Variants in CSMD1 observed in about 807,000 individuals in gnomAD.
CSMD1 encodes the protein CUB and sushi domain-containing protein 1.
CSMD1 carries 213 observed loss-of-function variants against 417.5 expected under a neutral mutation model. The ratio of observed to expected loss-of-function variants is 0.51; its 90% CI spans 0.46 to 0.57. The LOEUF is 0.57. Ranked by LOEUF, CSMD1 falls within the 20% of genes least tolerant of loss-of-function variation. CSMD1 has a pLI of 0.00. For synonymous variants in CSMD1, 2,862 were observed against 1,736.8 expected (o/e 1.65, Z -16.11); for missense variants, 6,923 against 4,529.7 (o/e 1.53, Z -15.17).
chr8:3,432,820 G>A (rs1585156883), intron 12 of CSMD1, among the ~76,000 whole-genome samples: 1 of 152,036 alleles, frequency 6.6e-6, no homozygotes, highest in South Asian at 2.1e-4. Context: ...GGCCAACATG[G>A]GCTTATTTTT....
At chr8:4,693,096 G>A (rs939537150) in intron 1 of CSMD1, among the ~76,000 whole-genome samples, 6 of 152,146 alleles carry the variant, frequency 3.9e-5, no homozygotes, top group African/African-American at 1.4e-4. Flanking sequence ...CATCCTCTCG[G>A]AAGTTCCCAG....
rs190643294 is a variant in CSMD1 at position 3,927,017 on chromosome 8, T to C, written c.818+70886A>G. On this transcript the variant is annotated intron_variant, in intron 5 of 69. Coordinates refer to ENST00000635120, the MANE Select transcript of CSMD1 (RefSeq NM_033225.6). Reference sequence around the variant, plus strand: ...GCGTGAGCCACCGTGCCCGGCCAAATTGGCATCTTTAAAAGTACTTTTTGT... The same window carrying C: ...GCGTGAGCCACCGTGCCCGGCCAAACTGGCATCTTTAAAAGTACTTTTTGT... 8.7e-4 allele frequency among the ~76,000 whole-genome samples: 133 copies of C among 152,108 alleles called. 1 individual carries two copies. The highest frequency in any genetic ancestry group is 2.8e-3 in the African/African-American group (118 of 41,536).
chr8:3,581,641 T>C (rs574411219), intron 9 of CSMD1, among the ~76,000 whole-genome samples: 4 of 152,334 alleles, frequency 2.6e-5, no homozygotes, highest in South Asian at 2.1e-4. Context: ...CTCGCTGGAA[T>C]ACCTTTATGC....
intron 3 of CSMD1, among the ~76,000 whole-genome samples, chr8:4,365,462 T>C (rs950944935): frequency 3.3e-5 from 5 of 152,218 alleles, no homozygotes; most frequent in Non-Finnish European, 5.9e-5. Context: ...AGATTGTCTG[T>C]TCTTTTTCTC....
intron 5 of CSMD1, among the ~76,000 whole-genome samples, chr8:3,836,092 C>G (rs759944194): frequency 6.6e-6 from 1 of 152,066 alleles, no homozygotes; most frequent in Non-Finnish European, 1.5e-5. Context: ...TCTTTTTAAA[C>G]TTTTACCTAT....
At chr8:3,280,704 A>G (rs538023328) in intron 26 of CSMD1, among the ~76,000 whole-genome samples, 8 of 118,508 alleles carry the variant, frequency 6.8e-5, no homozygotes, top group African/African-American at 2.4e-4. Context: ...ACTAGTACAC[A>G]TGGAAAACTG....
chr8:4,298,638 A>T (rs1477857229), intron 3 of CSMD1, among the ~76,000 whole-genome samples: 3 of 152,124 alleles, frequency 2.0e-5, no homozygotes, highest in Non-Finnish European at 4.4e-5. Flanking sequence ...AGAACATCAC[A>T]ATTTAGTTTT....
intron 5 of CSMD1, among the ~76,000 whole-genome samples, chr8:3,980,102 T>C (rs538527107): frequency 1.9e-4 from 28 of 147,200 alleles, no homozygotes; most frequent in African/African-American, 6.5e-4. Context: ...CTTTTGTCTG[T>C]TTTTTCTAGA....
chr8:4,814,158 T>G (rs1429649959), intron 1 of CSMD1, among the ~76,000 whole-genome samples: 1 of 152,236 alleles, frequency 6.6e-6, no homozygotes, highest in Non-Finnish European at 1.5e-5. Flanking sequence ...CCGTGAAAAC[T>G]GCAAGAAAAT....
chr8:4,206,487 C>T (rs1001100818), intron 3 of CSMD1, among the ~76,000 whole-genome samples: 3 of 152,152 alleles, frequency 2.0e-5, no homozygotes, highest in African/African-American at 7.2e-5. Flanking sequence ...TTTCCAGCTT[C>T]GTCCATGTCC....
intron 5 of CSMD1, among the ~76,000 whole-genome samples, chr8:3,762,839 G>C (rs1470147739): frequency 6.6e-6 from 1 of 152,206 alleles, no homozygotes; most frequent in Non-Finnish European, 1.5e-5. Context: ...GCAGCTGCCA[G>C]AGTAAGCAGC....
chr8:3,765,940 G>T (rs1798243066), intron 5 of CSMD1, among the ~76,000 whole-genome samples: 1 of 152,216 alleles, frequency 6.6e-6, no homozygotes, highest in Non-Finnish European at 1.5e-5. Flanking sequence ...TGTAAAAATG[G>T]CCTGGATGCC....
intron 9 of CSMD1, among the ~76,000 whole-genome samples, chr8:3,582,407 C>G (rs893994864): frequency 1.3e-5 from 2 of 152,110 alleles, no homozygotes; most frequent in Non-Finnish European, 2.9e-5. Context: ...AAGTTGCCAA[C>G]CTGAGGAACT....
intron 5 of CSMD1, among the ~76,000 whole-genome samples, chr8:3,964,693 T>C (rs904957990): frequency 1.3e-5 from 2 of 152,230 alleles, no homozygotes; most frequent in Admixed American, 6.5e-5. Flanking sequence ...TGGACCATAG[T>C]TATTAAATAA....
chr8:4,731,904 C>G (rs1236905373), intron 1 of CSMD1, among the ~76,000 whole-genome samples: 2 of 152,028 alleles, frequency 1.3e-5, no homozygotes, highest in Non-Finnish European at 2.9e-5. Flanking sequence ...ATATTACATT[C>G]TTATAGGGCC....
chr8:4,834,590 T>A (rs1392134715), intron 1 of CSMD1, among the ~76,000 whole-genome samples: 3 of 151,142 alleles, frequency 2.0e-5, no homozygotes, highest in East Asian at 1.9e-4. Context: ...TCAAAAAGAA[T>A]GAGAACAACG....
chr8:4,488,506 A>C (rs1005208810), intron 2 of CSMD1, among the ~76,000 whole-genome samples: 1 of 152,170 alleles, frequency 6.6e-6, no homozygotes, highest in African/African-American at 2.4e-5. Flanking sequence ...CCCTACTCTG[A>C]ATCAAACATT....
At chr8:3,735,066 G>GC (rs2129048717) in intron 6 of CSMD1, among the ~76,000 whole-genome samples, 1 of 152,278 alleles carries the variant, frequency 6.6e-6, no homozygotes, top group South Asian at 2.1e-4. Context: ...GGACATGGGA[G>GC]GACACACGCC....
intron 3 of CSMD1, among the ~76,000 whole-genome samples, chr8:4,292,114 C>T (rs1797403088): frequency 2.0e-5 from 3 of 152,110 alleles, no homozygotes; most frequent in South Asian, 4.1e-4. Context: ...CAATGAAGAC[C>T]CTGGCCATAC....
Sources: gnomAD v4.1 joint callset for allele counts (sites outside exome capture counted in the v4.1 genomes callset) on GRCh38, gnomAD v4.1.1 for gene constraint, MANE v1.5 for transcripts, NCBI Gene and HGNC (gene_info 2026-07-23, HGNC 2026-07-21) for gene names.